The following SLC24A3 variants were observed in gnomAD, a reference collection of about 807,000 sequenced individuals.
The protein encoded by SLC24A3 is solute carrier family 24 member 3.
In SLC24A3, 28 loss-of-function variants were observed where a neutral mutation model predicts 75.8. That is an observed-to-expected ratio of 0.37 (90% confidence interval 0.27 to 0.51). The LOEUF (loss-of-function observed/expected upper bound fraction) is 0.51, where lower values mean the gene tolerates loss of function less well. Ranked by LOEUF, SLC24A3 falls within the 20% of genes least tolerant of loss-of-function variation. SLC24A3 has a pLI of 0.94. For missense variants in SLC24A3, 663 were observed against 847.8 expected (o/e 0.78, Z 2.71); for synonymous variants, 372 against 334.1 (o/e 1.11, Z -1.24).
chr20:19,418,604 C>T (rs1986864547), intron 2 of SLC24A3, among the ~76,000 whole-genome samples: 1 of 151,730 alleles, frequency 6.6e-6, no homozygotes, highest in Admixed American at 6.6e-5. Context: ...ATATCCAGCT[C>T]ATAAATATGA....
intron 2 of SLC24A3, among the ~76,000 whole-genome samples, chr20:19,429,725 G>A (rs549838428): frequency 2.6e-4 from 40 of 152,214 alleles, no homozygotes; most frequent in Non-Finnish European, 4.6e-4. Context: ...ATGGTCATCC[G>A]AGAGGGCCAT....
At chr20:19,356,312 A>G (rs762446064) in intron 2 of SLC24A3, among the ~76,000 whole-genome samples, 1 of 152,194 alleles carries the variant, frequency 6.6e-6, no homozygotes, top group African/African-American at 2.4e-5. Context: ...CCCAAGGGCA[A>G]CTACTAACTA....
At chr20:19,701,014 T>A (rs1173689904) in intron 15 of SLC24A3, among the ~76,000 whole-genome samples, 1 of 152,228 alleles carries the variant, frequency 6.6e-6, no homozygotes, top group African/African-American at 2.4e-5. Context: ...AGAATGACAA[T>A]ATTTTTTACA....
chr20:19,514,273 G>C (rs1027727696), intron 2 of SLC24A3, among the ~76,000 whole-genome samples: 1 of 152,178 alleles, frequency 6.6e-6, no homozygotes, highest in Non-Finnish European at 1.5e-5. Context: ...CTTCCTGGCT[G>C]CACTGCCTCC....
At chr20:19,288,503 A>G (rs988238609) in intron 2 of SLC24A3, among the ~76,000 whole-genome samples, 4 of 152,210 alleles carry the variant, frequency 2.6e-5, no homozygotes, top group African/African-American at 9.6e-5. Context: ...AGGATGATAA[A>G]ACTCTGCTGT....
At chr20:19,294,078 A>G (rs1004071207) in intron 2 of SLC24A3, among the ~76,000 whole-genome samples, 1 of 152,176 alleles carries the variant, frequency 6.6e-6, no homozygotes, top group Non-Finnish European at 1.5e-5. Flanking sequence ...CCTATACATC[A>G]CTTCATTTAC....
intron 2 of SLC24A3, among the ~76,000 whole-genome samples, chr20:19,418,855 A>G (rs543161012): frequency 6.6e-6 from 1 of 152,274 alleles, no homozygotes; most frequent in Middle Eastern, 3.4e-3. Flanking sequence ...AGTGGGACTC[A>G]GGAGCCAATT....
chr20:19,662,506 G>T (rs562507521), intron 7 of SLC24A3, among the ~76,000 whole-genome samples: 1 of 152,350 alleles, frequency 6.6e-6, no homozygotes, highest in East Asian at 1.9e-4. Flanking sequence ...TGCGAAAATG[G>T]ACTTGAACTG....
intron 3 of SLC24A3, among the ~76,000 whole-genome samples, chr20:19,527,628 C>T (rs6112445): frequency 0.036 from 5,473 of 152,232 alleles, 237 homozygotes; most frequent in African/African-American, 0.097. Context: ...AGTGGCATGC[C>T]CTGTCTCTCT....
rs1011326323 is a variant in SLC24A3, at chr20:19,236,332, A to G, written c.142+23348A>G. ...GTGATATGGGTTAATTCCACAAGAC[A>G]GCTCAGGGGGAAGCCAGCAGTGCCT... On this transcript the variant is annotated intron_variant, in intron 1 of 16. Transcript: ENST00000328041. Among the ~76,000 whole-genome samples the G allele has an allele frequency of 5.3e-5, 8 of 152,334 alleles. No individual in the cohort carries two copies. The South Asian group carries it at 6.2e-4, about 12-fold the overall frequency.
At chr20:19,251,389 T>G (rs1192216753) in intron 1 of SLC24A3, among the ~76,000 whole-genome samples, 1 of 152,162 alleles carries the variant, frequency 6.6e-6, no homozygotes, top group East Asian at 1.9e-4. Flanking sequence ...TAATTTAAAT[T>G]CTGTCTGTTT....
chr20:19,611,023 C>A (rs1173198614), intron 6 of SLC24A3, among the ~76,000 whole-genome samples: 1 of 152,110 alleles, frequency 6.6e-6, no homozygotes, highest in Non-Finnish European at 1.5e-5. Context: ...GAGGGCACAG[C>A]GTCCACTCTT....
intron 12 of SLC24A3, among the ~76,000 whole-genome samples, chr20:19,691,649 G>T (rs1277534022): frequency 6.6e-6 from 1 of 152,216 alleles, no homozygotes; most frequent in Non-Finnish European, 1.5e-5. Context: ...AGCGGAGGCT[G>T]TGGGGATGAT....
At chr20:19,606,136 G>GTGTGTTGGTGT in intron 6 of SLC24A3, among the ~76,000 whole-genome samples, 1 of 152,320 alleles carries the variant, frequency 6.6e-6, no homozygotes, top group South Asian at 2.1e-4. Flanking sequence ...ACCCAAAACT[G>GTGTGTTGGTGT]TGCTCAATAG....
intron 2 of SLC24A3, among the ~76,000 whole-genome samples, chr20:19,309,027 G>A (rs112761162): frequency 8.2e-4 from 125 of 152,314 alleles, no homozygotes; most frequent in Non-Finnish European, 1.4e-3. Context: ...CCATGGATTC[G>A]TGGAGGACAT....
intron 3 of SLC24A3, among the ~76,000 whole-genome samples, chr20:19,531,714 G>A (rs2030303328): frequency 6.6e-6 from 1 of 152,124 alleles, no homozygotes; most frequent in Non-Finnish European, 1.5e-5. Context: ...AGACAGGGAG[G>A]GATAAATAAT....
intron 3 of SLC24A3, among the ~76,000 whole-genome samples, chr20:19,575,991 G>A (rs2031129252): frequency 6.6e-6 from 1 of 152,142 alleles, no homozygotes; most frequent in African/African-American, 2.4e-5. Flanking sequence ...GGGAAGGCTT[G>A]GAGGGAGTCC....
chr20:19,378,675 A>C (rs1160050375), intron 2 of SLC24A3, among the ~76,000 whole-genome samples: 3 of 152,180 alleles, frequency 2.0e-5, no homozygotes, highest in African/African-American at 7.2e-5. Flanking sequence ...TCAAGCAGGA[A>C]GTCTCTGGAG....
intron 1 of SLC24A3, among the ~76,000 whole-genome samples, chr20:19,225,804 C>G (rs1358212756): frequency 6.6e-6 from 1 of 152,146 alleles, no homozygotes; most frequent in Non-Finnish European, 1.5e-5. Context: ...TTCCACTATA[C>G]AGATGTACAA....
Sources: allele counts gnomAD v4.1 joint callset (sites outside exome capture counted in the v4.1 genomes callset), GRCh38; gene constraint gnomAD v4.1.1; transcripts MANE v1.5; gene names NCBI Gene and HGNC (gene_info 2026-07-23, HGNC 2026-07-21).